The following TTC8 variants were observed in gnomAD, a reference collection of about 807,000 sequenced individuals.
TTC8 encodes the protein tetratricopeptide repeat domain 8.
A neutral mutation model predicts 72.5 loss-of-function variants in TTC8; 47 were observed. The ratio of observed to expected loss-of-function variants is 0.65; its 90% CI spans 0.51 to 0.83. The LOEUF (loss-of-function observed/expected upper bound fraction) is 0.83, where lower values mean the gene tolerates loss of function less well. TTC8 is among the 40% of genes least tolerant of loss of function. The pLI, the probability that TTC8 is intolerant of heterozygous loss-of-function variation, is 0.00. For missense variants in TTC8, 611 were observed against 623.2 expected (o/e 0.98, Z 0.21); for synonymous variants, 199 against 221.4 (o/e 0.90, Z 0.90).
intron 10 of TTC8, among the ~76,000 whole-genome samples, chr14:88,862,547 T>C (rs1365809170): frequency 1.0e-4 from 1 of 9,736 alleles, no homozygotes; most frequent in Non-Finnish European, 1.9e-4. Context: ...TCTCCATATA[T>C]ATATATATAT....
At chr14:88,827,426 TTTTTATTTG>T (rs1311214642) in intron 1 of TTC8, among the ~76,000 whole-genome samples, 2 of 152,228 alleles carry the variant, frequency 1.3e-5, no homozygotes, top group Non-Finnish European at 2.9e-5. Flanking sequence ...TTTCTAATAA[TTTTTATTTG>T]TTTTATTTGT....
At chr14:88,843,731 G>A (rs1050831714) in intron 6 of TTC8, 75 bp from the exon 7 acceptor site, 1 of 1,045,018 alleles carries the variant, frequency 9.6e-7, no homozygotes, top group Non-Finnish European at 1.4e-6. Context: ...ATAAATCCAG[G>A]GCTTTAGAGT....
At chr14:88,861,154 T>C (rs1002703278) in intron 9 of TTC8, 68 bp from the exon 10 acceptor site, 7 of 1,190,190 alleles carry the variant, frequency 5.9e-6, no homozygotes, top group South Asian at 1.3e-5. Context: ...TAATCAATAA[T>C]TATAAATGTC....
intron 1 of TTC8, among the ~76,000 whole-genome samples, chr14:88,833,321 A>G (rs886640160): frequency 2.0e-5 from 3 of 152,152 alleles, no homozygotes; most frequent in Admixed American, 2.0e-4. Flanking sequence ...TTAAGTGATT[A>G]AAGTCTGAAT....
intron 7 of TTC8, among the ~76,000 whole-genome samples, chr14:88,850,304 T>C (rs781209922): frequency 1.3e-5 from 2 of 152,194 alleles, no homozygotes; most frequent in Non-Finnish European, 2.9e-5. Flanking sequence ...AGTTCTTGAG[T>C]ACCTCTTCTG....
intron 1 of TTC8, among the ~76,000 whole-genome samples, chr14:88,827,354 A>T (rs1406906256): frequency 1.3e-5 from 2 of 152,226 alleles, no homozygotes; most frequent in Non-Finnish European, 2.9e-5. Flanking sequence ...CAGCTCCAAT[A>T]TATATAGAGT....
rs759666591 is a variant in TTC8, at chr14:88,853,088, G to A, written c.710+32G>A. The A allele has an allele frequency of 1.9e-5, 30 of 1,538,488 alleles. 1 individual carries two copies. The South Asian group carries it at 3.4e-4, about 17-fold the overall frequency. On this transcript the variant is annotated intron_variant, in intron 8 of 14. Coordinates refer to ENST00000380656, the MANE Select transcript of TTC8 (RefSeq NM_144596.4). ...TTCATTATTTGTGAAGGGCTTAGAA[G>A]TGGCCACGTATTTTAGGGTCTCAAA...
intron 9 of TTC8, among the ~76,000 whole-genome samples, chr14:88,858,143 G>A (rs150080117): frequency 0.013 from 2,020 of 152,088 alleles, 50 homozygotes; most frequent in African/African-American, 0.046. Flanking sequence ...TGTATTTTTA[G>A]TAGAAATGGG....
chr14:88,825,825 T>G (rs1258442614), intron 1 of TTC8, among the ~76,000 whole-genome samples: 1 of 152,208 alleles, frequency 6.6e-6, no homozygotes. Context: ...GATAACCTGC[T>G]GAGATGAACA....
At chr14:88,846,610 G>A (rs775170038) in intron 7 of TTC8, 2 of 1,450,428 alleles carry the variant, frequency 1.4e-6, no homozygotes, top group South Asian at 2.5e-5. Flanking sequence ...TCATCTTGAA[G>A]ATGTAGTTCT....
At chr14:88,843,544 A>C (rs1204825841) in intron 6 of TTC8, among the ~76,000 whole-genome samples, 1 of 152,166 alleles carries the variant, frequency 6.6e-6, no homozygotes, top group East Asian at 1.9e-4. Flanking sequence ...GACAATTCTG[A>C]AGTTGGTCTT....
chr14:88,866,184 T>C (rs964986954), intron 10 of TTC8, among the ~76,000 whole-genome samples: 5 of 152,202 alleles, frequency 3.3e-5, no homozygotes, highest in African/African-American at 9.6e-5. Context: ...ATAGCAAAGA[T>C]TGATAAATTT....
chr14:88,861,918 GC>G (rs2094887546), intron 10 of TTC8, among the ~76,000 whole-genome samples: 2 of 152,156 alleles, frequency 1.3e-5, no homozygotes, highest in Admixed American at 1.3e-4. Context: ...CCACATCTTG[GC>G]TATTGTGAAT....
Position 88,872,398 on chromosome 14 carries a change from C to G in TTC8, c.1293C>G (p.Ala431=). 6.2e-7 allele frequency: 1 copy of G among 1,614,044 alleles called. No individual in the cohort carries two copies. The highest frequency in any genetic ancestry group is 1.7e-4 in the Middle Eastern group (1 of 6,056). ...CTCTGGTCAACAACAACAACCACGCCGAGGCCTACAACAACCTGGCTGTGC... is the reference window on the plus strand; with the variant it reads ...CTCTGGTCAACAACAACAACCACGCGGAGGCCTACAACAACCTGGCTGTGC... The part of the protein sequence containing the change: ...RLALVNNNNH[A]EAYNNLAVLE... The change falls in exon 13 of 15, where the codon GCC becomes GCG. Residue 431 remains alanine (A), a synonymous_variant. Coordinates refer to ENST00000380656, the MANE Select transcript of TTC8 (RefSeq NM_144596.4).
intron 10 of TTC8, among the ~76,000 whole-genome samples, chr14:88,866,692 A>G (rs911986241): frequency 2.0e-5 from 3 of 152,190 alleles, no homozygotes; most frequent in African/African-American, 7.2e-5. Context: ...GAGAATGTTT[A>G]TAAACACTGA....
chr14:88,853,645 G>T (rs535115459), intron 8 of TTC8, among the ~76,000 whole-genome samples: 1 of 152,202 alleles, frequency 6.6e-6, no homozygotes, highest in South Asian at 2.1e-4. Flanking sequence ...CCTTTCTGAC[G>T]CCAATTCTCT....
intron 1 of TTC8, among the ~76,000 whole-genome samples, chr14:88,833,243 T>G (rs1403194648): frequency 6.6e-6 from 1 of 152,220 alleles, no homozygotes; most frequent in Non-Finnish European, 1.5e-5. Context: ...CTATTTAATT[T>G]GTACAGAAAA....
rs148799039 is a variant in TTC8, at chr14:88,877,502, C to T, written c.*92C>T. 3.6e-4 allele frequency: 371 copies of T among 1,037,792 alleles called. 3 individuals are homozygous for T. The East Asian group carries it at 7.3e-3, about 20-fold the overall frequency. 64.3% of individuals were successfully genotyped at this position (1,037,792 alleles called of 1,614,324 possible). On this transcript the variant is annotated 3_prime_UTR_variant, in exon 15 of 15. Transcript: ENST00000380656. Reference sequence around the variant, plus strand: ...GTGTATGTATGTATATAGTGTAATACGTATATTTTAACAAACCTGTCCTTG... The same window carrying T: ...GTGTATGTATGTATATAGTGTAATATGTATATTTTAACAAACCTGTCCTTG...
intron 10 of TTC8, among the ~76,000 whole-genome samples, chr14:88,863,278 T>C (rs1248538785): frequency 6.6e-6 from 1 of 152,200 alleles, no homozygotes; most frequent in Non-Finnish European, 1.5e-5. Context: ...CTCACTGCTA[T>C]GATTTATTTC....
Sources: gnomAD v4.1 joint callset for allele counts (sites outside exome capture counted in the v4.1 genomes callset) on GRCh38, gnomAD v4.1.1 for gene constraint, MANE v1.5 for transcripts, NCBI Gene and HGNC (gene_info 2026-07-23, HGNC 2026-07-21) for gene names.